Variants in RARB observed in about 807,000 individuals in gnomAD.
RARB encodes retinoic acid receptor beta, also known as HBV-activated protein.
In RARB, 17 loss-of-function variants were observed where a neutral mutation model predicts 51.9. That is an observed-to-expected ratio of 0.33 (90% CI 0.22 to 0.49). The LOEUF (loss-of-function observed/expected upper bound fraction) is 0.49. RARB is among the 20% of genes least tolerant of loss of function. The pLI is 0.99. For missense variants in RARB, 369 were observed against 550.8 expected (o/e 0.67, Z 3.30); for synonymous variants, 215 against 195.4 (o/e 1.10, Z -0.84).
chr3:25,520,697 A>T (rs115862559), intron 3 of RARB, among the ~76,000 whole-genome samples: 96 of 152,312 alleles, frequency 6.3e-4, no homozygotes, highest in African/African-American at 2.1e-3. Context: ...TAAACTCAGG[A>T]TGACTTTTCT....
intron 2 of RARB, among the ~76,000 whole-genome samples, chr3:24,999,456 G>T (rs558624572): frequency 1.1e-3 from 171 of 152,258 alleles, no homozygotes; most frequent in African/African-American, 3.9e-3. Flanking sequence ...CCCACATAGC[G>T]TGGATATTGT....
intron 5 of RARB, among the ~76,000 whole-genome samples, chr3:25,202,224 A>G (rs1388345488): frequency 4.6e-5 from 7 of 152,034 alleles, no homozygotes; most frequent in Non-Finnish European, 8.8e-5. Flanking sequence ...ATTTGCGTAG[A>G]GGTGTTTATA....
intron 5 of RARB, among the ~76,000 whole-genome samples, chr3:25,315,157 C>T (rs1324549206): frequency 6.6e-6 from 1 of 152,076 alleles, no homozygotes. Flanking sequence ...TACGGGGCAG[C>T]TCTCTGTCTA....
intron 5 of RARB, among the ~76,000 whole-genome samples, chr3:25,220,169 C>T (rs184908354): frequency 1.3e-4 from 20 of 152,266 alleles, no homozygotes; most frequent in Admixed American, 4.6e-4. Context: ...TATTTCATTG[C>T]TAACTCAAAG....
chr3:24,926,357 A>G (rs1452003147), intron 2 of RARB, among the ~76,000 whole-genome samples: 1 of 152,150 alleles, frequency 6.6e-6, no homozygotes, highest in Non-Finnish European at 1.5e-5. Context: ...GAACTAATTT[A>G]TTCTCCACAA....
intron 5 of RARB, among the ~76,000 whole-genome samples, chr3:25,329,831 G>T (rs982491261): frequency 2.6e-5 from 4 of 152,094 alleles, no homozygotes; most frequent in African/African-American, 9.7e-5. Flanking sequence ...TGGCCTGATG[G>T]AGCTAAAAAC....
chr3:25,495,952 A>T (rs1295114194), intron 2 of RARB, among the ~76,000 whole-genome samples: 1 of 152,252 alleles, frequency 6.6e-6, no homozygotes, highest in African/African-American at 2.4e-5. Context: ...GACATAGTCA[A>T]CGTGCACAAG....
chr3:25,362,223 G>A (rs1705964727), intron 5 of RARB, among the ~76,000 whole-genome samples: 1 of 152,198 alleles, frequency 6.6e-6, no homozygotes, highest in African/African-American at 2.4e-5. Flanking sequence ...TCTGGCTACA[G>A]CAGCTCTACC....
At chr3:25,097,636 A>T (rs1383415578) in intron 3 of RARB, among the ~76,000 whole-genome samples, 1 of 152,148 alleles carries the variant, frequency 6.6e-6, no homozygotes, top group Non-Finnish European at 1.5e-5. Flanking sequence ...CTAGTGAGAC[A>T]TCATCTCTAA....
At chr3:25,013,155 A>G (rs1447003868) in intron 2 of RARB, among the ~76,000 whole-genome samples, 1 of 152,102 alleles carries the variant, frequency 6.6e-6, no homozygotes, top group Non-Finnish European at 1.5e-5. Flanking sequence ...TGCAGACAGC[A>G]TTGCCTTGAA....
intron 5 of RARB, among the ~76,000 whole-genome samples, chr3:25,207,695 T>G (rs148453197): frequency 1.6e-4 from 24 of 152,306 alleles, no homozygotes; most frequent in African/African-American, 5.8e-4. Flanking sequence ...TGCTGTTCCC[T>G]AACATACCCC....
chr3:24,965,827 G>A (rs994782088), intron 2 of RARB, among the ~76,000 whole-genome samples: 37 of 152,002 alleles, frequency 2.4e-4, no homozygotes, highest in Admixed American at 1.5e-3. Flanking sequence ...TCATCCCCCT[G>A]ACCCTCCAGA....
At chr3:25,478,901 C>T (rs1696094886) in intron 2 of RARB, among the ~76,000 whole-genome samples, 1 of 152,128 alleles carries the variant, frequency 6.6e-6, no homozygotes, top group Admixed American at 6.5e-5. Context: ...CTGCTCCAGT[C>T]CTTGCGTTTT....
intron 5 of RARB, among the ~76,000 whole-genome samples, chr3:25,376,954 G>A (rs1706478336): frequency 1.3e-5 from 2 of 152,152 alleles, no homozygotes; most frequent in Non-Finnish European, 2.9e-5. Flanking sequence ...AGTGGGACCT[G>A]GGTGGCTCAT....
At chr3:25,095,569 G>A (rs1382022283) in intron 3 of RARB, among the ~76,000 whole-genome samples, 1 of 152,148 alleles carries the variant, frequency 6.6e-6, no homozygotes, top group African/African-American at 2.4e-5. Context: ...TTATATTGAG[G>A]CCAGAGCTGT....
At chr3:25,583,065 G>T (rs192196618) in intron 5 of RARB, among the ~76,000 whole-genome samples, 2 of 152,250 alleles carry the variant, frequency 1.3e-5, no homozygotes, top group Non-Finnish European at 2.9e-5. Flanking sequence ...TGAGGAGTCT[G>T]GGTTGGGGTG....
At chr3:24,968,750 G>A (rs1467135350) in intron 2 of RARB, among the ~76,000 whole-genome samples, 1 of 152,090 alleles carries the variant, frequency 6.6e-6, no homozygotes, top group Admixed American at 6.6e-5. Flanking sequence ...TTAAGTTTCT[G>A]CCTTACAATT....
chr3:25,493,475 C>T (rs1696852425), intron 2 of RARB, among the ~76,000 whole-genome samples: 2 of 152,228 alleles, frequency 1.3e-5, no homozygotes, highest in South Asian at 2.1e-4. Context: ...GCATTATTGG[C>T]AGCTCTCTGC....
intron 5 of RARB, among the ~76,000 whole-genome samples, chr3:25,193,523 A>G (rs1701153804): frequency 6.6e-6 from 1 of 152,066 alleles, no homozygotes; most frequent in Non-Finnish European, 1.5e-5. Flanking sequence ...AATTAGCTCA[A>G]CTGTAATTGC....
Sources: allele counts gnomAD v4.1 joint callset (sites outside exome capture counted in the v4.1 genomes callset), GRCh38; gene constraint gnomAD v4.1.1; transcripts MANE v1.5; gene names NCBI Gene and HGNC (gene_info 2026-07-23, HGNC 2026-07-21).